Variants in TBL1XR1 observed in about 807,000 individuals in gnomAD.
The protein encoded by TBL1XR1 is F-box-like/WD repeat-containing protein TBL1XR1.
TBL1XR1 carries 5 observed loss-of-function variants against 66.9 expected under a neutral mutation model. That is an observed-to-expected ratio of 0.07 (90% CI 0.04 to 0.16). The LOEUF (loss-of-function observed/expected upper bound fraction) is 0.16. Ranked by LOEUF, TBL1XR1 falls within the 10% of genes least tolerant of loss-of-function variation. The pLI is 1.00. For synonymous variants in TBL1XR1, 210 were observed against 206.0 expected (o/e 1.02, Z -0.17); for missense variants, 238 against 623.2 (o/e 0.38, Z 6.58).
intron 2 of TBL1XR1, among the ~76,000 whole-genome samples, chr3:177,088,112 A>G (rs1448142191): frequency 6.6e-6 from 1 of 152,212 alleles, no homozygotes; most frequent in South Asian, 2.1e-4. Flanking sequence ...AAGGACAGCA[A>G]AATTATTTGA....
At chr3:177,035,784 G>C (rs1714695991) in intron 12 of TBL1XR1, among the ~76,000 whole-genome samples, 1 of 152,142 alleles carries the variant, frequency 6.6e-6, no homozygotes, top group African/African-American at 2.4e-5. Context: ...CTAACACACA[G>C]ATATCCTGTT....
chr3:177,095,494 G>A (rs1478111442), intron 2 of TBL1XR1, among the ~76,000 whole-genome samples: 2 of 140,274 alleles, frequency 1.4e-5, no homozygotes, highest in South Asian at 4.4e-4. Context: ...GGTGCAATTA[G>A]ATTTTTTTTT....
chr3:177,123,474 A>C (rs1160512895), intron 1 of TBL1XR1, among the ~76,000 whole-genome samples: 2 of 152,088 alleles, frequency 1.3e-5, no homozygotes, highest in Non-Finnish European at 2.9e-5. Flanking sequence ...AAACAAGATA[A>C]ATATTTTAAA....
intron 1 of TBL1XR1, among the ~76,000 whole-genome samples, chr3:177,138,865 G>C (rs949581973): frequency 6.6e-6 from 1 of 152,176 alleles, no homozygotes; most frequent in African/African-American, 2.4e-5. Flanking sequence ...AGGGTACCAT[G>C]TGCCTGCTGA....
At chr3:177,036,803 T>C (rs1564763) in intron 12 of TBL1XR1, among the ~76,000 whole-genome samples, 1 of 152,110 alleles carries the variant, frequency 6.6e-6, no homozygotes, top group African/African-American at 2.4e-5. Context: ...AGCAGGAAAA[T>C]CAGTTTTCCC....
At chr3:177,072,365 AAT>A (rs1393896110) in intron 2 of TBL1XR1, among the ~76,000 whole-genome samples, 1 of 152,138 alleles carries the variant, frequency 6.6e-6, no homozygotes, top group Non-Finnish European at 1.5e-5. Flanking sequence ...CATTTGCACC[AAT>A]GTTACAAAGC....
intron 1 of TBL1XR1, among the ~76,000 whole-genome samples, chr3:177,102,662 C>G (rs145474690): frequency 7.9e-5 from 12 of 152,328 alleles, no homozygotes; most frequent in Admixed American, 3.9e-4. Flanking sequence ...ACTCAACATT[C>G]TCTACTCTCA....
At chr3:177,084,096 AAAAAAAG>A (rs1220469756) in intron 2 of TBL1XR1, among the ~76,000 whole-genome samples, 2 of 150,998 alleles carry the variant, frequency 1.3e-5, no homozygotes, top group Non-Finnish European at 3.0e-5. Context: ...TCAAAAAAAA[AAAAAAAG>A]AAAAAAGAAA....
intron 1 of TBL1XR1, among the ~76,000 whole-genome samples, chr3:177,193,306 A>T (rs915950950): frequency 1.3e-5 from 2 of 151,918 alleles, no homozygotes; most frequent in Non-Finnish European, 2.9e-5. Context: ...TTTCTTACAC[A>T]AATTTTTTGT....
At chr3:177,085,251 CA>C (rs1440285579) in intron 2 of TBL1XR1, among the ~76,000 whole-genome samples, 1 of 152,126 alleles carries the variant, frequency 6.6e-6, no homozygotes, top group African/African-American at 2.4e-5. Context: ...ACTGAAGACA[CA>C]AATCACCTTC....
intron 1 of TBL1XR1, among the ~76,000 whole-genome samples, chr3:177,139,667 G>GT (rs1370566637): frequency 4.1e-5 from 2 of 48,440 alleles, no homozygotes; most frequent in African/African-American, 1.4e-4. Flanking sequence ...CAAAAATATA[G>GT]TTAAAAAAAA....
intron 1 of TBL1XR1, among the ~76,000 whole-genome samples, chr3:177,102,370 A>G (rs572511978): frequency 1.3e-5 from 2 of 152,346 alleles, no homozygotes; most frequent in South Asian, 2.1e-4. Flanking sequence ...AATTTCTAGA[A>G]ACATACGCAG....
intron 1 of TBL1XR1, among the ~76,000 whole-genome samples, chr3:177,159,408 G>T (rs1407351646): frequency 6.6e-6 from 1 of 152,062 alleles, no homozygotes; most frequent in Admixed American, 6.6e-5. Context: ...CAATGCTGTT[G>T]TGAGAACTGT....
In TBL1XR1 at chr3:177,047,312, A is replaced by G; in HGVS notation, c.852T>C (p.Ala284=). The G allele has an allele frequency of 6.4e-7, 1 of 1,561,108 alleles. No individual in the cohort carries two copies. The highest frequency in any genetic ancestry group is 8.7e-7 in the Non-Finnish European group (1 of 1,151,422). ...WNKKGNFILS[A]GVDKTTIIWD... ...AATGAGCTTTTACCTTGTCTACTCCAGCACTTAGGATGAAATTTCCTTTCT... is the reference window on the plus strand; with the variant it reads ...AATGAGCTTTTACCTTGTCTACTCCGGCACTTAGGATGAAATTTCCTTTCT... The change falls in exon 9 of 16, where the codon GCT becomes GCC. Residue 284 remains alanine (A), a synonymous_variant. Coordinates refer to ENST00000457928, the MANE Select transcript of TBL1XR1 (RefSeq NM_024665.7).
upstream of TBL1XR1, among the ~76,000 whole-genome samples, chr3:177,201,149 A>G (rs1737331996): frequency 6.6e-6 from 1 of 151,742 alleles, no homozygotes; most frequent in African/African-American, 2.4e-5. Context: ...GCAGTGGCTC[A>G]CACCTGTAAT....
intron 2 of TBL1XR1, among the ~76,000 whole-genome samples, chr3:177,092,716 A>G (rs1216993491): frequency 2.3e-5 from 3 of 132,930 alleles, no homozygotes; most frequent in Non-Finnish European, 3.4e-5. Flanking sequence ...GAAGTTTTTC[A>G]AGGAAAAAAA....
chr3:177,065,291 T>G (rs892415798), intron 2 of TBL1XR1, among the ~76,000 whole-genome samples: 27 of 152,244 alleles, frequency 1.8e-4, no homozygotes, highest in Admixed American at 1.0e-3. Context: ...TTTTAATGAT[T>G]TTATCAAATA....
chr3:177,195,702 A>G (rs1365331355), intron 1 of TBL1XR1: 3 of 151,724 alleles, frequency 2.0e-5, no homozygotes, highest in Admixed American at 6.6e-5. Flanking sequence ...ACTTAATTAT[A>G]TGAGGTGGGG....
At chr3:177,135,334 T>TGTGTGTGTGTGTGTGTGTATAC (rs1394071556) in intron 1 of TBL1XR1, among the ~76,000 whole-genome samples, 7 of 49,932 alleles carry the variant, frequency 1.4e-4, no homozygotes, top group Non-Finnish European at 4.0e-5. Context: ...TGTGTGTGTG[T>TGTGTGTGTGTGTGTGTGTATAC]ATACATATAT....
Sources: allele counts gnomAD v4.1 joint callset (sites outside exome capture counted in the v4.1 genomes callset), GRCh38; gene constraint gnomAD v4.1.1; transcripts MANE v1.5; gene names NCBI Gene and HGNC (gene_info 2026-07-23, HGNC 2026-07-21).